The following KATNAL2 variants were observed in gnomAD, a reference collection of about 807,000 sequenced individuals.
KATNAL2 encodes the protein katanin catalytic subunit A1 like 2.
In KATNAL2, 52 loss-of-function variants were observed where a neutral mutation model predicts 76.3. That is an observed-to-expected ratio of 0.68 (90% CI 0.55 to 0.86). The LOEUF is 0.86. Ranked by LOEUF, KATNAL2 falls within the 40% of genes least tolerant of loss-of-function variation. The pLI is 0.00. For synonymous variants in KATNAL2, 243 were observed against 244.2 expected (o/e 1.00, Z 0.05); for missense variants, 660 against 668.9 (o/e 0.99, Z 0.15).
chr18:47,054,867 C>T, intron 6 of KATNAL2, among the ~76,000 whole-genome samples: 1 of 152,238 alleles, frequency 6.6e-6, no homozygotes, highest in East Asian at 1.9e-4. Context: ...GATCAGATGT[C>T]CTGACCTGTC....
rs376685533 is a variant in KATNAL2, at chr18:47,094,657, A to G, written c.1212-4586A>G. ...GGGTTACTGTGTTGGGGAACTCCCA[A>G]TATCAATGTCCTTAGGGTCTTTCTC... On this transcript the variant is annotated intron_variant, in intron 15 of 17. Coordinates refer to ENST00000683218, the MANE Select transcript of KATNAL2 (RefSeq NM_001387690.1). Among the ~76,000 whole-genome samples the G allele has an allele frequency of 2.6e-5, 4 of 152,232 alleles. No homozygotes were observed. The South Asian group carries it at 6.2e-4, about 24-fold the overall frequency.
intron 17 of KATNAL2, 150 bp downstream of exon 17, chr18:47,100,506 C>G: frequency 1.5e-6 from 1 of 652,478 alleles, no homozygotes; most frequent in Non-Finnish European, 2.6e-6. Flanking sequence ...CTCATTCCTC[C>G]GTGGGTGTTC....
intron 1 of KATNAL2, among the ~76,000 whole-genome samples, chr18:46,945,168 G>A (rs1317043553): frequency 1.3e-5 from 2 of 152,184 alleles, no homozygotes; most frequent in African/African-American, 4.8e-5. Flanking sequence ...TCATTAATGA[G>A]TTAGGCAAAA....
chr18:47,063,865 T>G (rs1293789165), intron 10 of KATNAL2, among the ~76,000 whole-genome samples: 1 of 152,198 alleles, frequency 6.6e-6, no homozygotes, highest in Admixed American at 6.5e-5. Flanking sequence ...GAACAGGCTT[T>G]GGAATTAGCT....
chr18:47,041,903 T>C (rs757533594), intron 3 of KATNAL2, among the ~76,000 whole-genome samples: 4 of 152,246 alleles, frequency 2.6e-5, no homozygotes, highest in Non-Finnish European at 5.9e-5. Context: ...ACCATCCCAG[T>C]AAGTGTGCAG....
Position 47,093,401 on chromosome 18 carries a change from C to T in KATNAL2, c.1212-5842C>T, listed in dbSNP as rs116073765. Reference sequence around the variant, plus strand: ...TATCCTCCCTTCTGTTTTCTCTGTCCTTTTTTTTTTTTTTTTTGATCTCCT... The same window carrying T: ...TATCCTCCCTTCTGTTTTCTCTGTCTTTTTTTTTTTTTTTTTTGATCTCCT... On this transcript the variant is annotated intron_variant, in intron 15 of 17. Transcript: ENST00000683218. 1.8e-3 allele frequency among the ~76,000 whole-genome samples: 230 copies of T among 127,698 alleles called. 1 individual carries two copies. The highest frequency in any genetic ancestry group is 5.3e-3 in the African/African-American group (182 of 34,174). The allele number at this position is 127,698 out of a possible 152,430, so 83.8% of individuals were successfully genotyped here.
At chr18:46,958,341 A>G (rs1233607020) in intron 3 of KATNAL2, among the ~76,000 whole-genome samples, 1 of 152,140 alleles carries the variant, frequency 6.6e-6, no homozygotes, top group Non-Finnish European at 1.5e-5. Context: ...GAGCGTTATA[A>G]TAATAAATCC....
intron 1 of KATNAL2, among the ~76,000 whole-genome samples, chr18:46,926,285 T>A (rs1362928817): frequency 2.6e-5 from 4 of 152,234 alleles, no homozygotes; most frequent in African/African-American, 9.6e-5. Flanking sequence ...GTATGTTGTG[T>A]GTTTTTTCTC....
intron 3 of KATNAL2, among the ~76,000 whole-genome samples, chr18:46,957,989 C>T (rs772899909): frequency 1.3e-5 from 2 of 152,168 alleles, no homozygotes; most frequent in African/African-American, 2.4e-5. Context: ...AGCCACCGCA[C>T]CTGGCCAGAT....
At chr18:47,070,275 T>G (rs1390310149) in intron 13 of KATNAL2, among the ~76,000 whole-genome samples, 1 of 151,904 alleles carries the variant, frequency 6.6e-6, no homozygotes, top group African/African-American at 2.4e-5. Flanking sequence ...TTTTTTTGTA[T>G]TTTTAGTAAA....
intron 3 of KATNAL2, among the ~76,000 whole-genome samples, chr18:46,958,770 G>A (rs962285063): frequency 1.3e-5 from 2 of 152,010 alleles, no homozygotes; most frequent in African/African-American, 2.4e-5. Flanking sequence ...TTTTAATTTG[G>A]CTGCACAATT....
chr18:46,922,785 G>C (rs909168890), intron 1 of KATNAL2, among the ~76,000 whole-genome samples: 3 of 151,420 alleles, frequency 2.0e-5, no homozygotes, highest in African/African-American at 7.3e-5. Context: ...CAACAAAAGT[G>C]AAACTCCATC....
At chr18:47,093,012 TCTTTTA>T (rs1484715468) in intron 15 of KATNAL2, among the ~76,000 whole-genome samples, 1 of 152,270 alleles carries the variant, frequency 6.6e-6, no homozygotes, top group Non-Finnish European at 1.5e-5. Flanking sequence ...TGTTCTATTT[TCTTTTA>T]ATGTCTTACA....
At chr18:46,931,131 AATAATAAT>A (rs1205658008) in intron 1 of KATNAL2, among the ~76,000 whole-genome samples, 61 of 137,460 alleles carry the variant, frequency 4.4e-4, no homozygotes, top group African/African-American at 1.6e-3. Flanking sequence ...TAATAATAAT[AATAATAAT>A]AAATAAATAA....
Position 47,034,961 on chromosome 18 carries a change from C to T in KATNAL2, c.52-11496C>T, listed in dbSNP as rs201576344. 119 of 1,611,778 alleles carry T rather than the reference C, an allele frequency of 7.4e-5. 1 individual carries two copies. Among genetic ancestry groups the T allele is most frequent in the Non-Finnish European group, 4.2e-5 (50 of 1,179,684 alleles). On this transcript the variant is annotated intron_variant, in intron 3 of 17. Coordinates refer to ENST00000683218, the MANE Select transcript of KATNAL2 (RefSeq NM_001387690.1). ...CAGGCCTTTTCCTGGTCCTGAAGAG[C>T]CTCCCCGAAGCGCTGTCGGGAAGCG...
At chr18:46,947,583 CG>C (rs915369389) in intron 3 of KATNAL2, among the ~76,000 whole-genome samples, 2 of 150,990 alleles carry the variant, frequency 1.3e-5, no homozygotes, top group African/African-American at 4.9e-5. Flanking sequence ...AACGTGGGGG[CG>C]GGGGGAAGGA....
At chr18:47,049,445 C>A (rs2061272237) in intron 4 of KATNAL2, among the ~76,000 whole-genome samples, 1 of 152,180 alleles carries the variant, frequency 6.6e-6, no homozygotes, top group African/African-American at 2.4e-5. Context: ...AATCTCAGCT[C>A]TATCCAAAGA....
intron 3 of KATNAL2, among the ~76,000 whole-genome samples, chr18:47,032,274 T>C (rs142125018): frequency 3.9e-5 from 6 of 152,370 alleles, no homozygotes; most frequent in African/African-American, 1.4e-4. Context: ...TGAGCCATGC[T>C]CAGGTTCTGT....
intron 3 of KATNAL2, among the ~76,000 whole-genome samples, chr18:46,947,297 T>A (rs1313466746): frequency 6.6e-6 from 1 of 152,206 alleles, no homozygotes; most frequent in African/African-American, 2.4e-5. Flanking sequence ...AACATTGACC[T>A]GGGAGTTAGT....
Sources: gnomAD v4.1 joint callset for allele counts (sites outside exome capture counted in the v4.1 genomes callset) on GRCh38, gnomAD v4.1.1 for gene constraint, MANE v1.5 for transcripts, NCBI Gene and HGNC (gene_info 2026-07-23, HGNC 2026-07-21) for gene names.